The following DTNA variants were observed in gnomAD, a reference collection of about 807,000 sequenced individuals.
The protein encoded by DTNA is dystrobrevin alpha.
A neutral mutation model predicts 100.7 loss-of-function variants in DTNA; 43 were observed. The observed-to-expected ratio is 0.43, with a 90% CI of 0.33 to 0.55. The LOEUF (loss-of-function observed/expected upper bound fraction) is 0.55. Among genes scored for constraint, DTNA ranks in the 20% least tolerant of loss-of-function variants. DTNA has a pLI of 0.04. For synonymous variants in DTNA, 349 were observed against 347.9 expected (o/e 1.00, Z -0.04); for missense variants, 798 against 953.9 (o/e 0.84, Z 2.15).
intron 1 of DTNA, among the ~76,000 whole-genome samples, chr18:34,675,212 T>C (rs771024721): frequency 2.2e-4 from 34 of 152,128 alleles, no homozygotes; most frequent in Admixed American, 3.3e-4. Flanking sequence ...TATCCTGACC[T>C]GTACCTACTA....
chr18:34,633,817 T>G (rs2579814), intron 1 of DTNA, among the ~76,000 whole-genome samples: 17,053 of 151,922 alleles, frequency 0.11, 1,008 homozygotes, highest in African/African-American at 0.13. Flanking sequence ...GGAAAAAGAG[T>G]AAATGGGAAA....
intron 6 of DTNA, among the ~76,000 whole-genome samples, chr18:34,815,347 G>A (rs1458208645): frequency 6.6e-6 from 1 of 152,046 alleles, no homozygotes; most frequent in African/African-American, 2.4e-5. Flanking sequence ...GAATTGAGAG[G>A]AATTATATAT....
intron 1 of DTNA, among the ~76,000 whole-genome samples, chr18:34,677,655 A>G (rs2145350827): frequency 6.6e-6 from 1 of 152,314 alleles, no homozygotes; most frequent in East Asian, 1.9e-4. Flanking sequence ...ATTCTCAGAT[A>G]CATAGGTCTA....
At chr18:34,763,148 T>G (rs1255656861) in intron 2 of DTNA, among the ~76,000 whole-genome samples, 2 of 152,228 alleles carry the variant, frequency 1.3e-5, no homozygotes, top group Non-Finnish European at 2.9e-5. Flanking sequence ...CCCTAATGTT[T>G]TCTTTTAAGT....
intron 1 of DTNA, among the ~76,000 whole-genome samples, chr18:34,751,192 C>A (rs1421538044): frequency 6.6e-6 from 1 of 152,222 alleles, no homozygotes; most frequent in Admixed American, 6.5e-5. Flanking sequence ...ATCTGCCATT[C>A]TCTGTGTGGT....
chr18:34,670,717 T>C (rs2076625738), intron 1 of DTNA, among the ~76,000 whole-genome samples: 1 of 152,168 alleles, frequency 6.6e-6, no homozygotes, highest in South Asian at 2.1e-4. Flanking sequence ...GGTATCAGCA[T>C]TGGAGGCTGC....
intron 20 of DTNA, 125 bp downstream of exon 20, chr18:34,879,844 T>C: frequency 8.0e-7 from 1 of 1,242,618 alleles, no homozygotes; most frequent in Non-Finnish European, 1.1e-6. Context: ...TAGTTTTCTG[T>C]TCTGCCAGAG....
chr18:34,875,271 C>G lies in DTNA; in HGVS notation c.1776C>G (p.Pro592=), dbSNP rs113072494. The G allele has an allele frequency of 1.5e-5, 25 of 1,614,158 alleles. 1 individual carries two copies. The African/African-American group carries it at 2.1e-4, about 14-fold the overall frequency. ...GGGCAGGCTCTCCCCGCTCCTCCCC[C>G]AGCCACACCATCAGCAGGCCAATTC... ...TQGAGSPRSS[P]SHTISRPIPM... Residue 592 remains proline, a synonymous_variant, in exon 18 of 23, where the codon CCC becomes CCG. Coordinates refer to ENST00000444659, the MANE Select transcript of DTNA (RefSeq NM_001386795.1).
At chr18:34,672,060 G>C (rs1000649697) in intron 1 of DTNA, among the ~76,000 whole-genome samples, 2 of 152,120 alleles carry the variant, frequency 1.3e-5, no homozygotes, top group Non-Finnish European at 2.9e-5. Context: ...AATTTGGTGG[G>C]TATAATGAGA....
intron 1 of DTNA, among the ~76,000 whole-genome samples, chr18:34,712,323 A>T (rs535721434): frequency 1.4e-4 from 22 of 152,222 alleles, no homozygotes; most frequent in African/African-American, 5.3e-4. Context: ...ATTACTAAAA[A>T]GTATTTTTAT....
intron 3 of DTNA, among the ~76,000 whole-genome samples, chr18:34,770,394 T>G (rs7236142): frequency 0.82 from 125,370 of 152,142 alleles, 52,010 homozygotes; most frequent in East Asian, 0.91. Flanking sequence ...AGACTGTGTA[T>G]GTTTTCAGGA....
intron 16 of DTNA, among the ~76,000 whole-genome samples, chr18:34,862,675 C>A (rs1167280750): frequency 6.6e-6 from 1 of 152,014 alleles, no homozygotes; most frequent in African/African-American, 2.4e-5. Context: ...TGGCACATGC[C>A]TGTAGTATCA....
chr18:34,879,433 A>G, intron 19 of DTNA, 118 bp from the exon 20 acceptor site: 1 of 974,078 alleles, frequency 1.0e-6, no homozygotes, highest in East Asian at 2.6e-5. Context: ...TGATTAAAAT[A>G]TGATAACTGG....
At chr18:34,864,406 A>C (rs2096670140) in intron 17 of DTNA, among the ~76,000 whole-genome samples, 2 of 151,940 alleles carry the variant, frequency 1.3e-5, no homozygotes. Flanking sequence ...GGCCCCCGCC[A>C]CCGCGCCCGG....
At chr18:34,589,983 A>C (rs1310737908) in intron 1 of DTNA, among the ~76,000 whole-genome samples, 1 of 152,172 alleles carries the variant, frequency 6.6e-6, no homozygotes, top group Non-Finnish European at 1.5e-5. Context: ...TGTATATCAC[A>C]ATTTCTGTAT....
intron 1 of DTNA, among the ~76,000 whole-genome samples, chr18:34,618,230 G>T (rs141257715): frequency 6.6e-6 from 1 of 152,080 alleles, no homozygotes; most frequent in Admixed American, 6.6e-5. Context: ...AAATATTCAT[G>T]TCAACCATTT....
intron 1 of DTNA, among the ~76,000 whole-genome samples, chr18:34,719,979 C>A (rs2084918764): frequency 6.6e-6 from 1 of 152,156 alleles, no homozygotes; most frequent in South Asian, 2.1e-4. Context: ...GAATTCCCTT[C>A]CAAGCTTGGT....
intron 1 of DTNA, among the ~76,000 whole-genome samples, chr18:34,578,287 C>T (rs1293715819): frequency 6.6e-6 from 1 of 151,992 alleles, no homozygotes; most frequent in African/African-American, 2.4e-5. Context: ...TGATAATTGT[C>T]TATTCATGTC....
rs575115539 is a variant in DTNA, at chr18:34,731,449, G to A, written c.-2+21004G>A. 5.3e-5 allele frequency among the ~76,000 whole-genome samples: 8 copies of A among 151,658 alleles called. No homozygotes were observed. In the East Asian group the frequency reaches 9.7e-4, roughly 18 times the overall value. On this transcript the variant is annotated intron_variant, in intron 1 of 22. Coordinates refer to ENST00000444659, the MANE Select transcript of DTNA (RefSeq NM_001386795.1). ...AGCCGAGATTGCGCCACTGCAGTCC[G>A]CAGTCCAGCCTGGGCGACAGAGCGA...
Sources: gnomAD v4.1 joint callset for allele counts (sites outside exome capture counted in the v4.1 genomes callset) on GRCh38, gnomAD v4.1.1 for gene constraint, MANE v1.5 for transcripts, NCBI Gene and HGNC (gene_info 2026-07-23, HGNC 2026-07-21) for gene names.